DCDC2C: variants seen among roughly 807,000 people sequenced by gnomAD.
The protein encoded by DCDC2C is doublecortin domain containing 2C.
DCDC2C carries 44 observed loss-of-function variants against 45.0 expected under a neutral mutation model. That is an observed-to-expected ratio of 0.98 (90% CI 0.77 to 1.26). The LOEUF (loss-of-function observed/expected upper bound fraction) is 1.26. DCDC2C is among the 50% of genes most tolerant of loss of function. DCDC2C has a pLI of 0.00. For synonymous variants in DCDC2C, 187 were observed against 178.8 expected (o/e 1.05, Z -0.37); for missense variants, 447 against 468.9 (o/e 0.95, Z 0.43).
chr2:3,761,396 T>C lies in DCDC2C; in HGVS notation c.727-6358T>C, dbSNP rs1669879105. Among the ~76,000 whole-genome samples, 1 of 152,200 alleles carries C rather than the reference T, an allele frequency of 6.6e-6. No homozygotes were observed. The highest frequency in any genetic ancestry group is 1.5e-5 in the Non-Finnish European group (1 of 68,032). The stretch of plus-strand genomic sequence containing the variant: ...AGGTGCGTGTGTGTGTGCGTGTGTG[T>C]GTGCGTGAAAACAGTTGCAGAGGCA... On this transcript the variant is annotated intron_variant, in intron 6 of 10. Coordinates refer to ENST00000399143, the MANE Select transcript of DCDC2C (RefSeq NM_001287444.2). This position sits in a 1 kb window ranked among gnomAD's most constrained non-coding sequence, Gnocchi z 4.3.
At chr2:3,836,761 C>G (rs1427323442) in intron 10 of DCDC2C, among the ~76,000 whole-genome samples, 2 of 151,224 alleles carry the variant, frequency 1.3e-5, no homozygotes, top group African/African-American at 4.9e-5. Flanking sequence ...ACTCGGGAGG[C>G]TGAGGCAGGA....
intron 10 of DCDC2C, among the ~76,000 whole-genome samples, chr2:3,786,132 C>T (rs918062505): frequency 3.3e-5 from 5 of 152,240 alleles, no homozygotes; most frequent in African/African-American, 1.2e-4. Flanking sequence ...GTGTGAGCTG[C>T]GTCTTGCCTA....
intron 10 of DCDC2C, among the ~76,000 whole-genome samples, chr2:3,833,874 T>C (rs1227370423): frequency 1.3e-5 from 2 of 152,200 alleles, no homozygotes; most frequent in African/African-American, 2.4e-5. Flanking sequence ...CTGTAGTCTG[T>C]TAGCTTTAAG....
chr2:3,787,468 T>C (rs1276875301), intron 10 of DCDC2C, among the ~76,000 whole-genome samples: 1 of 152,238 alleles, frequency 6.6e-6, no homozygotes, highest in Non-Finnish European at 1.5e-5. Context: ...AATATAATCA[T>C]GACTCCAATG....
At chr2:3,776,766 A>G (rs1364757322) in intron 8 of DCDC2C, among the ~76,000 whole-genome samples, 1 of 152,148 alleles carries the variant, frequency 6.6e-6, no homozygotes, top group East Asian at 1.9e-4. Flanking sequence ...CTGAATTAAC[A>G]CCTCCTGTAG....
intron 10 of DCDC2C, among the ~76,000 whole-genome samples, chr2:3,820,182 T>C (rs943197952): frequency 2.6e-5 from 4 of 152,294 alleles, no homozygotes; most frequent in Non-Finnish European, 5.9e-5. Context: ...ACGAAAATCA[T>C]CCAGGTCTTA....
chr2:3,737,567 A>G (rs892014132), intron 3 of DCDC2C, among the ~76,000 whole-genome samples: 2 of 152,148 alleles, frequency 1.3e-5, no homozygotes, highest in African/African-American at 4.8e-5. Flanking sequence ...ATAAGTGGGT[A>G]GAGGGAGGTG....
chr2:3,823,383 G>A (rs1171603081), intron 10 of DCDC2C, among the ~76,000 whole-genome samples: 1 of 151,974 alleles, frequency 6.6e-6, no homozygotes, highest in African/African-American at 2.4e-5. Context: ...TTGTTTTATG[G>A]CCTAATATTT....
chr2:3,788,926 C>T (rs945090934), intron 10 of DCDC2C, among the ~76,000 whole-genome samples: 4 of 150,376 alleles, frequency 2.7e-5, no homozygotes, highest in South Asian at 4.3e-4. Context: ...CTGCAAGCTC[C>T]GCCTCCCACG....
intron 3 of DCDC2C, among the ~76,000 whole-genome samples, chr2:3,735,898 T>C (rs1242027225): frequency 6.6e-6 from 1 of 151,662 alleles, no homozygotes; most frequent in Non-Finnish European, 1.5e-5. Context: ...GGAATGCGAG[T>C]GTTGCATGGA....
At chr2:3,762,162 CTT>C (rs56067833) in intron 6 of DCDC2C, among the ~76,000 whole-genome samples, 211 of 127,594 alleles carry the variant, frequency 1.7e-3, no homozygotes, top group Non-Finnish European at 2.0e-3. Flanking sequence ...TTGCTTGAAC[CTT>C]TTTTTTTTTT....
rs1352041834 is a variant in DCDC2C at position 3,734,212 on chromosome 2, C to T, written c.416+7133C>T. Among the ~76,000 whole-genome samples the T allele has an allele frequency of 6.6e-6, 1 of 152,178 alleles. No individual in the cohort carries two copies. Among genetic ancestry groups the T allele is most frequent in the Non-Finnish European group, 1.5e-5 (1 of 68,036 alleles). On this transcript the variant is annotated intron_variant, in intron 3 of 10. Transcript: ENST00000399143. This position sits in a 1 kb window ranked among gnomAD's most constrained non-coding sequence, Gnocchi z 4.2. ...CATTTCTTCTGTCTTCATGCAAGCCCGAGTAAATGATTCATTCAGCCACCT... is the reference window on the plus strand; with the variant it reads ...CATTTCTTCTGTCTTCATGCAAGCCTGAGTAAATGATTCATTCAGCCACCT...
At chr2:3,791,035 G>A (rs575989878) in intron 10 of DCDC2C, among the ~76,000 whole-genome samples, 38 of 152,214 alleles carry the variant, frequency 2.5e-4, no homozygotes, top group East Asian at 1.2e-3. Context: ...GCGTGAACCC[G>A]CGAGGCAGAG....
intron 8 of DCDC2C, among the ~76,000 whole-genome samples, chr2:3,773,996 A>G (rs1168312822): frequency 1.3e-5 from 2 of 152,268 alleles, no homozygotes; most frequent in African/African-American, 4.8e-5. Flanking sequence ...CAACTAGGGC[A>G]GTGCCCCCTG....
At chr2:3,806,437 G>C (rs1248586799) in intron 10 of DCDC2C, among the ~76,000 whole-genome samples, 1 of 152,190 alleles carries the variant, frequency 6.6e-6, no homozygotes, top group Non-Finnish European at 1.5e-5. Flanking sequence ...GTGAGTGCCC[G>C]CGTTGTATGA....
At chr2:3,811,917 G>T (rs1001025592) in intron 10 of DCDC2C, among the ~76,000 whole-genome samples, 1 of 152,146 alleles carries the variant, frequency 6.6e-6, no homozygotes, top group Non-Finnish European at 1.5e-5. Flanking sequence ...GCCTTGCATC[G>T]CAGGGAGGAA....
intron 8 of DCDC2C, among the ~76,000 whole-genome samples, chr2:3,771,212 C>T (rs1034242431): frequency 4.6e-5 from 7 of 152,216 alleles, no homozygotes; most frequent in African/African-American, 1.2e-4. Flanking sequence ...CAGCTGAGTG[C>T]CAGGAGGACC....
At chr2:3,823,372 C>T (rs1345492100) in intron 10 of DCDC2C, among the ~76,000 whole-genome samples, 2 of 151,996 alleles carry the variant, frequency 1.3e-5, no homozygotes, top group Non-Finnish European at 2.9e-5. Context: ...TTTATTGAGA[C>T]TTGTTTTATG....
At chr2:3,744,614 G>C (rs1315083842) in intron 4 of DCDC2C, among the ~76,000 whole-genome samples, 2 of 152,216 alleles carry the variant, frequency 1.3e-5, no homozygotes, top group Non-Finnish European at 2.9e-5. Flanking sequence ...TGGTGGAAGA[G>C]CAGAAACAGT....
Sources: gnomAD v4.1 joint callset for allele counts (sites outside exome capture counted in the v4.1 genomes callset) on GRCh38, gnomAD v4.1.1 for gene constraint, Gnocchi (gnomAD v3.1) non-coding constraint, MANE v1.5 for transcripts, NCBI Gene and HGNC (gene_info 2026-07-23, HGNC 2026-07-21) for gene names.